The following GOLGA5 variants were observed in gnomAD, a reference collection of about 807,000 sequenced individuals.
The protein encoded by GOLGA5 is golgin A5.
Under a neutral mutation model 93.5 loss-of-function variants are expected in GOLGA5, and 50 were observed. The ratio of observed to expected loss-of-function variants is 0.53; its 90% CI spans 0.43 to 0.68. The LOEUF is 0.68. GOLGA5 is among the 30% of genes least tolerant of loss of function. The pLI, the probability that GOLGA5 is intolerant of heterozygous loss-of-function variation, is 0.00. For missense variants in GOLGA5, 760 were observed against 856.4 expected, an observed-to-expected ratio of 0.89 and a Z score of 1.40; for synonymous variants, 312 against 304.5, an observed-to-expected ratio of 1.02 and a Z score of -0.26.
intron 2 of GOLGA5, among the ~76,000 whole-genome samples, chr14:92,801,396 G>A (rs574292763): frequency 6.6e-6 from 1 of 152,282 alleles, no homozygotes; most frequent in South Asian, 2.1e-4. Context: ...TAGTGTGGTT[G>A]AAGATCTTTT....
At chr14:92,832,863 T>C (rs1452195913) in intron 9 of GOLGA5, among the ~76,000 whole-genome samples, 1 of 152,204 alleles carries the variant, frequency 6.6e-6, no homozygotes, top group East Asian at 1.9e-4. Flanking sequence ...CACAAAATTA[T>C]ACTTTTATAT....
At chr14:92,816,883 TCTTTCTTTC>T (rs780295087) in intron 7 of GOLGA5, among the ~76,000 whole-genome samples, 20 of 152,008 alleles carry the variant, frequency 1.3e-4, no homozygotes, top group East Asian at 7.8e-4. Flanking sequence ...TTTCTTTCTT[TCTTTCTTTC>T]CTTTCTTTCC....
At chr14:92,804,717 G>A (rs942224799) in intron 2 of GOLGA5, among the ~76,000 whole-genome samples, 7 of 145,322 alleles carry the variant, frequency 4.8e-5, no homozygotes, top group African/African-American at 1.8e-4. Context: ...GTGCAGTGGT[G>A]CAGTCTCAGC....
intron 9 of GOLGA5, among the ~76,000 whole-genome samples, chr14:92,830,439 G>GTGTT (rs2140333752): frequency 6.6e-6 from 1 of 151,072 alleles, no homozygotes; most frequent in Non-Finnish European, 1.5e-5. Flanking sequence ...GATATCATTA[G>GTGTT]TGTTAGTGTA....
chr14:92,833,043 A>C, intron 9 of GOLGA5, 79 bp from the exon 10 acceptor site: 1 of 800,030 alleles, frequency 1.2e-6, no homozygotes, highest in African/African-American at 1.7e-5. Flanking sequence ...CAATTTACCT[A>C]TGAAAATGTA....
At chr14:92,805,163 T>TA (rs916771837) in intron 2 of GOLGA5, among the ~76,000 whole-genome samples, 3 of 152,166 alleles carry the variant, frequency 2.0e-5, no homozygotes, top group African/African-American at 4.8e-5. Flanking sequence ...CCTTTCCACT[T>TA]AATCTCCTCA....
At chr14:92,819,590 GC>G in intron 7 of GOLGA5, 117 bp from the exon 8 acceptor site, 1 of 860,902 alleles carries the variant, frequency 1.2e-6, no homozygotes, top group East Asian at 2.7e-5. Context: ...CTGTGATTGT[GC>G]CACTGCACTC....
intron 9 of GOLGA5, among the ~76,000 whole-genome samples, chr14:92,828,685 T>C (rs1885468414): frequency 6.6e-6 from 1 of 152,244 alleles, no homozygotes; most frequent in African/African-American, 2.4e-5. Flanking sequence ...TTTTTATTTT[T>C]TGAGACAGAG....
intron 9 of GOLGA5, among the ~76,000 whole-genome samples, chr14:92,829,854 G>A (rs1220402653): frequency 6.6e-6 from 1 of 152,058 alleles, no homozygotes; most frequent in East Asian, 1.9e-4. Context: ...AGAACCCATC[G>A]ATGTGACAAA....
At chr14:92,796,423 CGTA>C (rs575664944) in intron 1 of GOLGA5, among the ~76,000 whole-genome samples, 395 of 152,230 alleles carry the variant, frequency 2.6e-3, no homozygotes, top group African/African-American at 8.9e-3. Context: ...TCTTCTGAGG[CGTA>C]CTTCTTTTGC....
rs1354716414 is a variant in GOLGA5 at position 92,835,659 on chromosome 14, G to C, written c.2046G>C (p.Gln682His). ...GCAAAGCTGCTAGTTCAATTGATCA[G>C]TTTAGGTAAGCAATGCCAGTAGGGA... ...KVRKAASSID[Q>H]FSIRLGIFLR... The change falls in exon 11 of 13, where the codon CAG (glutamine) becomes CAC (histidine). Residue 682 changes from glutamine (Q) to histidine (H), a missense_variant. Coordinates refer to ENST00000163416, the MANE Select transcript of GOLGA5 (RefSeq NM_005113.4). 1.3e-6 allele frequency: 2 copies of C among 1,596,946 alleles called. No homozygotes were observed. Among genetic ancestry groups the C allele is most frequent in the Admixed American group, 1.7e-5 (1 of 59,990 alleles).
rs71123380 is a variant in GOLGA5, at chr14:92,816,532, G to GCTTCGCTTCGCTTCGCTTCTCTTCT, written c.1491+125_1491+126insGCTTCTCTTCTCTTCGCTTCGCTTC. On this transcript the variant is annotated intron_variant, in intron 7 of 12. Transcript: ENST00000163416. ...AGCGATAGGTTTCTCGCTTCTCTTC[G>GCTTCGCTTCGCTTCGCTTCTCTTCT]CTTCGCTTCGCTTCTCTTCTCTTCC... 7 of 658,998 alleles carry GCTTCGCTTCGCTTCGCTTCTCTTCT rather than the reference G, an allele frequency of 1.1e-5. No homozygotes were observed. The Admixed American group carries it at 1.8e-4, about 17-fold the overall frequency. 40.8% of individuals were successfully genotyped at this position (658,998 alleles called of 1,614,324 possible).
chr14:92,831,901 A>G (rs1017995044), intron 9 of GOLGA5, among the ~76,000 whole-genome samples: 3 of 152,222 alleles, frequency 2.0e-5, no homozygotes, highest in South Asian at 2.1e-4. Context: ...ATCATATCCT[A>G]TGAACAAGGA....
chr14:92,806,342 C>T (rs1044312823), intron 2 of GOLGA5, among the ~76,000 whole-genome samples: 1 of 152,174 alleles, frequency 6.6e-6, no homozygotes, highest in Non-Finnish European at 1.5e-5. Context: ...TGGAGTCTCG[C>T]TCTGTTGCCC....
intron 4 of GOLGA5, 147 bp from the exon 5 acceptor site, chr14:92,810,107 C>G: frequency 1.8e-6 from 1 of 567,882 alleles, no homozygotes; most frequent in South Asian, 2.3e-5. Flanking sequence ...AGATTATGTT[C>G]CATTAGAAAG....
chr14:92,826,924 C>T (rs1306519190), intron 9 of GOLGA5, among the ~76,000 whole-genome samples: 3 of 152,020 alleles, frequency 2.0e-5, no homozygotes, highest in Admixed American at 1.3e-4. Context: ...ATACAAAAAG[C>T]GCTAACTGTA....
intron 2 of GOLGA5, among the ~76,000 whole-genome samples, chr14:92,799,553 G>C (rs1160604903): frequency 1.3e-5 from 2 of 149,540 alleles, no homozygotes; most frequent in African/African-American, 4.9e-5. Flanking sequence ...CAAAGTGCTG[G>C]GATTACAGGC....
chr14:92,801,805 T>A (rs1202771730), intron 2 of GOLGA5, among the ~76,000 whole-genome samples: 1 of 151,048 alleles, frequency 6.6e-6, no homozygotes, highest in Non-Finnish European at 1.5e-5. Context: ...CTCTTGTCCC[T>A]ACCAATTTGC....
In GOLGA5 at chr14:92,824,612, C is replaced by G; in HGVS notation, c.1687C>G (p.Arg563Gly). The G allele has an allele frequency of 6.2e-7, 1 of 1,600,116 alleles. No individual in the cohort carries two copies. The change falls in exon 9 of 13, where the codon CGA becomes GGA. Residue 563 changes from arginine to glycine, a missense_variant. Physicochemically the swap from Arg to Gly is moderately radical, Grantham distance 125. Transcript: ENST00000163416. ...CACATTGCAAAGCAGAATTAAAGAT[C>G]GAGACGAAGAAATTCAAAAACTCAG... Reference protein sequence around the residue: ...KNTLQSRIKDRDEEIQKLRNQ... With the variant: ...KNTLQSRIKDGDEEIQKLRNQ...
Sources: allele counts gnomAD v4.1 joint callset (sites outside exome capture counted in the v4.1 genomes callset), GRCh38; gene constraint gnomAD v4.1.1; transcripts MANE v1.5; gene names NCBI Gene and HGNC (gene_info 2026-07-23, HGNC 2026-07-21).